Variants in CELF4 observed in about 807,000 individuals in gnomAD.
The protein encoded by CELF4 is CUG-BP- and ETR-3-like factor 4.
CELF4 carries 18 observed loss-of-function variants against 59.9 expected under a neutral mutation model. That is an observed-to-expected ratio of 0.30 (90% CI 0.21 to 0.45). The LOEUF (loss-of-function observed/expected upper bound fraction) is 0.45, where lower values mean the gene tolerates loss of function less well. CELF4 is among the 20% of genes least tolerant of loss of function. CELF4 has a pLI of 1.00. For synonymous variants in CELF4, 261 were observed against 267.1 expected (o/e 0.98, Z 0.22); for missense variants, 456 against 689.0 (o/e 0.66, Z 3.79).
intron 2 of CELF4, among the ~76,000 whole-genome samples, chr18:37,327,913 C>T (rs994589434): frequency 6.6e-6 from 1 of 152,220 alleles, no homozygotes; most frequent in Non-Finnish European, 1.5e-5. Flanking sequence ...CCCTCCTATT[C>T]CCCCAAAGTC....
At chr18:37,525,244 C>A (rs2099962533) in intron 1 of CELF4, among the ~76,000 whole-genome samples, 1 of 152,192 alleles carries the variant, frequency 6.6e-6, no homozygotes, top group African/African-American at 2.4e-5. Flanking sequence ...CCCTTTCACA[C>A]CTGTCTTCAC....
intron 2 of CELF4, among the ~76,000 whole-genome samples, chr18:37,343,391 G>A (rs1026619691): frequency 1.3e-4 from 20 of 151,090 alleles, no homozygotes; most frequent in African/African-American, 4.6e-4. Flanking sequence ...ACGGGGTGGG[G>A]AGGGGGATGC....
At chr18:37,527,712 T>C (rs1390544039) in intron 1 of CELF4, among the ~76,000 whole-genome samples, 1 of 152,104 alleles carries the variant, frequency 6.6e-6, no homozygotes, top group African/African-American at 2.4e-5. Context: ...GGGATAAAGA[T>C]GTTTCCTCTT....
chr18:37,332,551 A>G (rs1370040677), intron 2 of CELF4, among the ~76,000 whole-genome samples: 1 of 151,914 alleles, frequency 6.6e-6, no homozygotes, highest in Admixed American at 6.6e-5. Flanking sequence ...ATCTCTCTAC[A>G]AAATGCCTTC....
intron 1 of CELF4, chr18:37,485,895 C>T (rs1426292458): frequency 3.7e-6 from 1 of 267,328 alleles, no homozygotes; most frequent in Non-Finnish European, 7.0e-6. Context: ...TCTCTCCTTA[C>T]CCCGTACCCT....
At chr18:37,548,176 C>T (rs144432653) in intron 1 of CELF4, among the ~76,000 whole-genome samples, 153 of 152,140 alleles carry the variant, frequency 1.0e-3, no homozygotes, top group Middle Eastern at 3.4e-3. Flanking sequence ...ATCCTCCATA[C>T]AAGACAGTGT....
chr18:37,262,621 C>T (rs1420757938), intron 10 of CELF4, among the ~76,000 whole-genome samples: 1 of 152,132 alleles, frequency 6.6e-6, no homozygotes, highest in Admixed American at 6.5e-5. Context: ...TTTAGAGACC[C>T]CTGAGCCAAT....
intron 8 of CELF4, 100 bp from the exon 9 acceptor site, chr18:37,266,698 G>T: frequency 9.5e-7 from 1 of 1,047,540 alleles, no homozygotes; most frequent in Non-Finnish European, 1.4e-6. Flanking sequence ...GCCTTTTCTG[G>T]CTACTGCAGG....
chr18:37,375,120 G>GGTGGGGGCATGAGAGCCC (rs1187741995), intron 2 of CELF4, among the ~76,000 whole-genome samples: 3 of 152,140 alleles, frequency 2.0e-5, no homozygotes, highest in Non-Finnish European at 4.4e-5. Flanking sequence ...TCTAGGTTGG[G>GGTGGGGGCATGAGAGCCC]GTGGGGGCAT....
intron 3 of CELF4, among the ~76,000 whole-genome samples, chr18:37,291,807 A>C (rs1443639639): frequency 1.3e-5 from 2 of 152,120 alleles, no homozygotes; most frequent in African/African-American, 4.8e-5. Flanking sequence ...CAACTCTACT[A>C]TACCCATAAT....
At chr18:37,369,669 T>C (rs2098834703) in intron 2 of CELF4, among the ~76,000 whole-genome samples, 1 of 152,252 alleles carries the variant, frequency 6.6e-6, no homozygotes, top group Admixed American at 6.5e-5. Flanking sequence ...AGACATGCTA[T>C]GGCTTCCCAG....
chr18:37,468,775 A>G (rs898177807), intron 2 of CELF4, among the ~76,000 whole-genome samples: 3 of 152,104 alleles, frequency 2.0e-5, no homozygotes, highest in African/African-American at 7.2e-5. Flanking sequence ...CAGGGGAGAG[A>G]GAGCGAATGA....
rs113519351 is a variant in CELF4 at position 37,364,961 on chromosome 18, C to A, written c.370-43080G>T. ...GACGGAAGGTCAGCAGGGACCAGGG[C>A]AGTTACAAGAAGTCTCCTGGGGTGG... On this transcript the variant is annotated intron_variant, in intron 2 of 12. Transcript: ENST00000420428. 5.3e-4 allele frequency among the ~76,000 whole-genome samples: 80 copies of A among 152,166 alleles called. 1 individual carries two copies. The highest frequency in any genetic ancestry group is 1.9e-3 in the African/African-American group (77 of 41,508).
At chr18:37,439,378 CT>C (rs572961596) in intron 2 of CELF4, among the ~76,000 whole-genome samples, 254 of 152,120 alleles carry the variant, frequency 1.7e-3, no homozygotes, top group African/African-American at 5.9e-3. Context: ...TTCTGGAGGG[CT>C]TTTTTCTGAT....
Position 37,500,099 on chromosome 18 carries a change from A to G in CELF4, c.287-14492T>C, listed in dbSNP as rs531885256. 5.3e-5 allele frequency among the ~76,000 whole-genome samples: 8 copies of G among 152,300 alleles called. 1 individual carries two copies. In the South Asian group the frequency reaches 1.4e-3, roughly 28 times the overall value. ...CAAACTGTGTAGGAAGCTGACTGTA[A>G]GTCAACAGATGGAGGTGTGTCTCCA... On this transcript the variant is annotated intron_variant, in intron 1 of 12. Transcript: ENST00000420428.
At chr18:37,394,909 C>T (rs2099222092) in intron 2 of CELF4, among the ~76,000 whole-genome samples, 3 of 151,764 alleles carry the variant, frequency 2.0e-5, no homozygotes, top group Admixed American at 6.6e-5. Flanking sequence ...GTCTGGTGGC[C>T]ATCACTCCAC....
chr18:37,450,719 C>T (rs372850464), intron 2 of CELF4, among the ~76,000 whole-genome samples: 47 of 152,216 alleles, frequency 3.1e-4, no homozygotes, highest in East Asian at 2.5e-3. Context: ...ATGGGCTCCC[C>T]AGATGCCTTC....
rs935651348 is a variant in CELF4, at chr18:37,384,739, A to T, written c.370-62858T>A. 5.3e-5 allele frequency among the ~76,000 whole-genome samples: 8 copies of T among 152,180 alleles called. No individual in the cohort carries two copies. The East Asian group carries it at 1.5e-3, about 29-fold the overall frequency. ...TCAGCTGGCCAGAGTGGCTACTGTC[A>T]TCCCACTTGCCATCATGAGCTCCTT... On this transcript the variant is annotated intron_variant, in intron 2 of 12. Coordinates refer to ENST00000420428, the MANE Select transcript of CELF4 (RefSeq NM_020180.4).
intron 1 of CELF4, among the ~76,000 whole-genome samples, chr18:37,558,389 T>G (rs1200747458): frequency 2.0e-5 from 3 of 151,452 alleles, no homozygotes; most frequent in Non-Finnish European, 3.0e-5. Flanking sequence ...CAGTTTTTTT[T>G]TTTTTTTTTT....
Sources: gnomAD v4.1 joint callset for allele counts (sites outside exome capture counted in the v4.1 genomes callset) on GRCh38, gnomAD v4.1.1 for gene constraint, MANE v1.5 for transcripts, NCBI Gene and HGNC (gene_info 2026-07-23, HGNC 2026-07-21) for gene names.